Variants in GRIK2 observed in about 807,000 individuals in gnomAD.
GRIK2 encodes glutamate receptor ionotropic, kainate 2.
GRIK2 carries 32 observed loss-of-function variants against 100.3 expected under a neutral mutation model. That is an observed-to-expected ratio of 0.32 (90% CI 0.24 to 0.43). The LOEUF (loss-of-function observed/expected upper bound fraction) is 0.43. GRIK2 is among the 20% of genes least tolerant of loss of function. The pLI is 1.00. For missense variants in GRIK2, 843 were observed against 1,114.9 expected (o/e 0.76, Z 3.47); for synonymous variants, 417 against 389.4 (o/e 1.07, Z -0.83).
rs545528515 is a variant in GRIK2 at position 102,068,949 on chromosome 6, C to T, written c.*438C>T. ...GTAGTGTTACAGGAAACAGTACAGT[C>T]TTCTGAACACCCAGATCATAGAGGT... On this transcript the variant is annotated 3_prime_UTR_variant, in exon 17 of 17. Coordinates refer to ENST00000369134, the MANE Select transcript of GRIK2 (RefSeq NM_021956.5). The T allele has an allele frequency of 6.3e-6, 1 of 157,742 alleles. No individual in the cohort carries two copies. The highest frequency in any genetic ancestry group is 1.9e-4 in the South Asian group (1 of 5,336). 9.8% of individuals were successfully genotyped at this position (157,742 alleles called of 1,614,324 possible).
chr6:101,840,607 T>A (rs1306188713), intron 10 of GRIK2, among the ~76,000 whole-genome samples: 1 of 152,140 alleles, frequency 6.6e-6, no homozygotes, highest in East Asian at 1.9e-4. Flanking sequence ...AACAGATGAG[T>A]CCTTGGTTTA....
In GRIK2 at chr6:101,872,003, T is replaced by A. The variant is rs191186129; in HGVS notation, c.1524+12510T>A. On this transcript the variant is annotated intron_variant, in intron 11 of 16. Coordinates refer to ENST00000369134, the MANE Select transcript of GRIK2 (RefSeq NM_021956.5). Reference sequence around the variant, plus strand: ...GACATTCCCACCAACAGTTTATAAGTGTTCCTTTTTCTTCACAGCCTTGCC... The same window carrying A: ...GACATTCCCACCAACAGTTTATAAGAGTTCCTTTTTCTTCACAGCCTTGCC... Among the ~76,000 whole-genome samples the A allele has an allele frequency of 4.1e-3, 627 of 152,072 alleles. 2 individuals carry two copies. The highest frequency in any genetic ancestry group is 0.014 in the Middle Eastern group (4 of 294).
intron 10 of GRIK2, among the ~76,000 whole-genome samples, chr6:101,843,777 C>G (rs1783652675): frequency 6.6e-6 from 1 of 152,088 alleles, no homozygotes; most frequent in Admixed American, 6.6e-5. Flanking sequence ...AGGCCCAGAC[C>G]TCAGTTTTGT....
intron 2 of GRIK2, among the ~76,000 whole-genome samples, chr6:101,482,764 G>T (rs1772599737): frequency 6.6e-6 from 1 of 152,086 alleles, no homozygotes; most frequent in Admixed American, 6.5e-5. Flanking sequence ...AGTAACGAAT[G>T]AGATCATTGA....
chr6:101,575,234 A>C (rs1166788331), intron 2 of GRIK2, among the ~76,000 whole-genome samples: 1 of 151,930 alleles, frequency 6.6e-6, no homozygotes, highest in Non-Finnish European at 1.5e-5. Flanking sequence ...AGATAGTAGT[A>C]AGTAATATTA....
At chr6:101,974,811 AAACT>A (rs748530599) in intron 14 of GRIK2, among the ~76,000 whole-genome samples, 1 of 152,002 alleles carries the variant, frequency 6.6e-6, no homozygotes, top group Non-Finnish European at 1.5e-5. Context: ...TTGATACATA[AAACT>A]AACTATCACA....
At chr6:101,734,271 A>G (rs1435337903) in intron 7 of GRIK2, among the ~76,000 whole-genome samples, 1 of 152,194 alleles carries the variant, frequency 6.6e-6, no homozygotes, top group African/African-American at 2.4e-5. Context: ...GACCCAGAAG[A>G]GTTAATGTTA....
intron 7 of GRIK2, among the ~76,000 whole-genome samples, chr6:101,796,790 C>T (rs1304253424): frequency 6.6e-6 from 1 of 152,172 alleles, no homozygotes; most frequent in Non-Finnish European, 1.5e-5. Context: ...AAGTGATCCT[C>T]TTACCTTACC....
intron 2 of GRIK2, among the ~76,000 whole-genome samples, chr6:101,456,727 G>A (rs922505462): frequency 6.6e-6 from 1 of 151,498 alleles, no homozygotes; most frequent in African/African-American, 2.4e-5. Context: ...TGTAAGCTAT[G>A]TTCTTTAGTT....
At chr6:101,476,195 TG>T (rs1772218652) in intron 2 of GRIK2, among the ~76,000 whole-genome samples, 1 of 152,138 alleles carries the variant, frequency 6.6e-6, no homozygotes, top group Admixed American at 6.6e-5. Flanking sequence ...AGCTACTGTG[TG>T]TTCTCTAGTA....
chr6:101,952,981 A>G (rs1791697670), intron 14 of GRIK2, among the ~76,000 whole-genome samples: 1 of 152,112 alleles, frequency 6.6e-6, no homozygotes, highest in African/African-American at 2.4e-5. Flanking sequence ...CTAATAAACC[A>G]CTAATCTGCT....
intron 13 of GRIK2, 37 bp from the exon 14 acceptor site, chr6:101,928,378 T>C: frequency 2.0e-6 from 2 of 1,025,620 alleles, no homozygotes. Flanking sequence ...GATCAAATTC[T>C]CTATATTCGT....
At chr6:102,029,181 A>C (rs1487089556) in intron 14 of GRIK2, among the ~76,000 whole-genome samples, 1 of 151,010 alleles carries the variant, frequency 6.6e-6, no homozygotes, top group Non-Finnish European at 1.5e-5. Flanking sequence ...ACCTTCAAAG[A>C]CTGTGGACAT....
intron 2 of GRIK2, among the ~76,000 whole-genome samples, chr6:101,520,347 T>G (rs1695735511): frequency 6.6e-6 from 1 of 150,598 alleles, no homozygotes; most frequent in African/African-American, 2.4e-5. Context: ...ACCTGAAGTA[T>G]TACATTATAT....
intron 16 of GRIK2, among the ~76,000 whole-genome samples, chr6:102,063,573 A>G (rs1460511700): frequency 6.6e-6 from 1 of 150,862 alleles, no homozygotes; most frequent in Non-Finnish European, 1.5e-5. Context: ...TCTAATATAA[A>G]AAGAAATCTG....
chr6:101,621,856 T>A, intron 2 of GRIK2, 93 bp from the exon 3 acceptor site: 1 of 859,706 alleles, frequency 1.2e-6, no homozygotes. Context: ...TGCACATATA[T>A]AAAAGTACAG....
At chr6:101,567,225 T>C (rs1215712763) in intron 2 of GRIK2, among the ~76,000 whole-genome samples, 1 of 151,916 alleles carries the variant, frequency 6.6e-6, no homozygotes, top group Non-Finnish European at 1.5e-5. Context: ...TGCGATTTTC[T>C]TATAGTTTGA....
chr6:102,046,684 G>A (rs948230635), intron 15 of GRIK2, among the ~76,000 whole-genome samples: 3 of 151,978 alleles, frequency 2.0e-5, no homozygotes, highest in Non-Finnish European at 4.4e-5. Flanking sequence ...GTGTGCAAAT[G>A]GACTATTAAA....
chr6:101,401,993 C>A (rs1027114366), intron 2 of GRIK2, among the ~76,000 whole-genome samples: 1 of 152,122 alleles, frequency 6.6e-6, no homozygotes, highest in East Asian at 1.9e-4. Flanking sequence ...CGGCGGAGCC[C>A]GCCCAGGCGG....
Sources: gnomAD v4.1 joint callset for allele counts (sites outside exome capture counted in the v4.1 genomes callset) on GRCh38, gnomAD v4.1.1 for gene constraint, MANE v1.5 for transcripts, NCBI Gene and HGNC (gene_info 2026-07-23, HGNC 2026-07-21) for gene names.